The following ARHGEF38 variants were observed in gnomAD, a reference collection of about 807,000 sequenced individuals.
ARHGEF38 encodes Rho guanine nucleotide exchange factor 38.
A neutral mutation model predicts 79.9 loss-of-function variants in ARHGEF38; 79 were observed. That is an observed-to-expected ratio of 0.99 (90% CI 0.82 to 1.19). The LOEUF is 1.19. Among genes scored for constraint, ARHGEF38 ranks in the 50% most tolerant of loss-of-function variants. The pLI is 0.00. For synonymous variants in ARHGEF38, 366 were observed against 328.3 expected (o/e 1.11, Z -1.24); for missense variants, 962 against 907.2 (o/e 1.06, Z -0.78).
At chr4:105,583,763 A>T (rs1726906008) in intron 1 of ARHGEF38, among the ~76,000 whole-genome samples, 1 of 152,122 alleles carries the variant, frequency 6.6e-6, no homozygotes, top group Non-Finnish European at 1.5e-5. Context: ...TTGGGCTCAT[A>T]GTAAGCCCTT....
chr4:105,649,613 A>G (rs1560747149), intron 7 of ARHGEF38, among the ~76,000 whole-genome samples: 1 of 152,140 alleles, frequency 6.6e-6, no homozygotes, highest in Non-Finnish European at 1.5e-5. Context: ...GCCTGTTTTT[A>G]TCACTCATGT....
At position 105,654,963 on chromosome 4, in the gene ARHGEF38, A is replaced by C. The variant is rs375945609; in HGVS notation, c.1114-640A>C. 3.9e-5 allele frequency among the ~76,000 whole-genome samples: 6 copies of C among 152,240 alleles called. No homozygotes were observed. In the East Asian group the frequency reaches 5.8e-4, roughly 15 times the overall value. On this transcript the variant is annotated intron_variant, in intron 8 of 13. Coordinates refer to ENST00000420470, the MANE Select transcript of ARHGEF38 (RefSeq NM_001242729.2). ...TGTTTGCACTCTTAGATAAAATATC[A>C]GAATGATTTGGAGACAAGTTTCCAT...
intron 2 of ARHGEF38, among the ~76,000 whole-genome samples, chr4:105,592,947 A>G: frequency 6.6e-6 from 1 of 152,122 alleles, no homozygotes; most frequent in Non-Finnish European, 1.5e-5. Flanking sequence ...CTCAGACTGA[A>G]AGGTTTTACT....
intron 1 of ARHGEF38, among the ~76,000 whole-genome samples, chr4:105,583,740 G>A (rs1427657780): frequency 3.9e-5 from 6 of 152,036 alleles, no homozygotes; most frequent in Non-Finnish European, 7.4e-5. Context: ...TATCCCCAGA[G>A]CCTAAGATGA....
At chr4:105,636,991 G>C (rs1285201593) in intron 5 of ARHGEF38, among the ~76,000 whole-genome samples, 1 of 152,012 alleles carries the variant, frequency 6.6e-6, no homozygotes. Flanking sequence ...TCTGAAAGAG[G>C]TCCATTATTC....
chr4:105,599,329 C>T (rs1299353193), intron 2 of ARHGEF38, among the ~76,000 whole-genome samples: 4 of 152,096 alleles, frequency 2.6e-5, no homozygotes, highest in Admixed American at 6.6e-5. Context: ...TAGTCCAGAT[C>T]GATCAGAATC....
chr4:105,673,281 G>A (rs1239577896), intron 13 of ARHGEF38, among the ~76,000 whole-genome samples: 7 of 152,200 alleles, frequency 4.6e-5, no homozygotes, highest in Non-Finnish European at 8.8e-5. Flanking sequence ...AAGATGCCTT[G>A]TTTGGCAAGC....
At chr4:105,563,915 A>C (rs1011035869) in intron 1 of ARHGEF38, among the ~76,000 whole-genome samples, 1 of 152,202 alleles carries the variant, frequency 6.6e-6, no homozygotes, top group African/African-American at 2.4e-5. Context: ...TAAGGTCCAT[A>C]CTTCACAGAA....
At chr4:105,640,040 C>T (rs1164523672) in intron 5 of ARHGEF38, among the ~76,000 whole-genome samples, 1 of 151,952 alleles carries the variant, frequency 6.6e-6, no homozygotes, top group Non-Finnish European at 1.5e-5. Context: ...ATCTTTATTA[C>T]TCTAAAAACA....
chr4:105,667,816 G>A, intron 13 of ARHGEF38, 113 bp downstream of exon 13: 3 of 1,267,566 alleles, frequency 2.4e-6, no homozygotes, highest in South Asian at 1.5e-5. Context: ...TGACATCAAG[G>A]AGACCTGGCT....
intron 1 of ARHGEF38, among the ~76,000 whole-genome samples, chr4:105,571,926 C>A (rs115814790): frequency 1.6e-3 from 239 of 152,190 alleles, no homozygotes; most frequent in African/African-American, 5.4e-3. Context: ...AGAAGCCAGG[C>A]GAAAGTACAT....
In ARHGEF38 at chr4:105,658,676, T is replaced by C. The variant is rs149787382; in HGVS notation, c.1234-378T>C. ...AGTCTTGGTAGTCAAAGGCTAGAGATTCCCCCCTACCCTCAAGTGCTGGCT... is the reference window on the plus strand; with the variant it reads ...AGTCTTGGTAGTCAAAGGCTAGAGACTCCCCCCTACCCTCAAGTGCTGGCT... On this transcript the variant is annotated intron_variant, in intron 9 of 13. Transcript: ENST00000420470. Among the ~76,000 whole-genome samples, 1,236 of 152,062 alleles carry C rather than the reference T, an allele frequency of 8.1e-3. 15 individuals carry two copies. Among genetic ancestry groups the C allele is most frequent in the African/African-American group, 0.027 (1,134 of 41,474 alleles).
intron 3 of ARHGEF38, among the ~76,000 whole-genome samples, chr4:105,625,921 G>C (rs1317499460): frequency 1.3e-5 from 2 of 151,998 alleles, no homozygotes; most frequent in Non-Finnish European, 2.9e-5. Flanking sequence ...GCCTTCTCAG[G>C]CTTCTCTGCA....
intron 1 of ARHGEF38, among the ~76,000 whole-genome samples, chr4:105,582,377 C>A: frequency 6.6e-6 from 1 of 151,056 alleles, no homozygotes; most frequent in African/African-American, 2.4e-5. Context: ...TGAATTTAAG[C>A]CTATAAATTT....
chr4:105,631,229 C>A, intron 4 of ARHGEF38, 184 bp downstream of exon 4: 6 of 1,249,948 alleles, frequency 4.8e-6, no homozygotes, highest in Non-Finnish European at 6.0e-6. Flanking sequence ...TTTTTTTCCC[C>A]CTGCGAGAAT....
intron 1 of ARHGEF38, among the ~76,000 whole-genome samples, chr4:105,562,982 G>C (rs1311648362): frequency 2.6e-5 from 4 of 152,144 alleles, no homozygotes; most frequent in African/African-American, 9.7e-5. Flanking sequence ...GTGTTGTGAA[G>C]GACCTGGGCC....
At chr4:105,630,008 T>C (rs1472102657) in intron 3 of ARHGEF38, among the ~76,000 whole-genome samples, 2 of 152,158 alleles carry the variant, frequency 1.3e-5, no homozygotes, top group Non-Finnish European at 2.9e-5. Flanking sequence ...GCACTTGAAA[T>C]TTCACCTTCT....
chr4:105,561,440 GAATA>G lies in ARHGEF38; in HGVS notation c.196+8480_196+8483del, dbSNP rs1287767257. Among the ~76,000 whole-genome samples, 14 of 63,858 alleles carry G rather than the reference GAATA, an allele frequency of 2.2e-4. 1 individual carries two copies. Among genetic ancestry groups the G allele is most frequent in the African/African-American group, 6.9e-4 (9 of 13,108 alleles). The allele number at this position is 63,858 out of a possible 152,430, so 41.9% of individuals were successfully genotyped here. On this transcript the variant is annotated intron_variant, in intron 1 of 13. Coordinates refer to ENST00000420470, the MANE Select transcript of ARHGEF38 (RefSeq NM_001242729.2). ...GAATAGAATGGAATAGAATAGAATA[GAATA>G]GAATGGAATAGAATAGAATAGAATA...
At chr4:105,653,242 G>A (rs968730341) in intron 7 of ARHGEF38, among the ~76,000 whole-genome samples, 2 of 151,918 alleles carry the variant, frequency 1.3e-5, no homozygotes, top group African/African-American at 4.8e-5. Context: ...TAAGTCTGCT[G>A]AGTTATCTTA....
Sources: allele counts gnomAD v4.1 joint callset (sites outside exome capture counted in the v4.1 genomes callset), GRCh38; gene constraint gnomAD v4.1.1; transcripts MANE v1.5; gene names NCBI Gene and HGNC (gene_info 2026-07-23, HGNC 2026-07-21).